The following ZFPM1 variants were observed in gnomAD, a reference collection of about 807,000 sequenced individuals.
ZFPM1 encodes zinc finger protein, FOG family member 1.
A neutral mutation model predicts 46.3 loss-of-function variants in ZFPM1; 28 were observed. The observed-to-expected ratio is 0.60, with a 90% CI of 0.45 to 0.83. The LOEUF is 0.83. Among genes scored for constraint, ZFPM1 ranks in the 40% least tolerant of loss-of-function variants. The pLI is 0.00. For synonymous variants in ZFPM1, 957 were observed against 675.9 expected (o/e 1.42, Z -6.45); for missense variants, 1,878 against 1,432.4 (o/e 1.31, Z -5.02).
At chr16:88,501,009 C>T (rs1267470166) in intron 3 of ZFPM1, among the ~76,000 whole-genome samples, 1 of 151,740 alleles carries the variant, frequency 6.6e-6, no homozygotes, top group Non-Finnish European at 1.5e-5. Context: ...GGCCTGACTT[C>T]TCCACCTCCT....
In ZFPM1 at chr16:88,489,225, G is replaced by A. The variant is rs934212617; in HGVS notation, c.268+72G>A. 6.4e-5 allele frequency: 97 copies of A among 1,509,300 alleles called. No homozygotes were observed. The East Asian group carries it at 1.2e-3, about 18-fold the overall frequency. The allele number at this position is 1,509,300 out of a possible 1,614,324, so 93.5% of individuals were successfully genotyped here. On this transcript the variant is annotated intron_variant, in intron 3 of 9. Coordinates refer to ENST00000319555, the MANE Select transcript of ZFPM1 (RefSeq NM_153813.3). ...CTGGCCCGGCCCCTGGGAGCAGGGCGACGTGGGTGCTGGGGCAGGTGTGCA... is the reference window on the plus strand; with the variant it reads ...CTGGCCCGGCCCCTGGGAGCAGGGCAACGTGGGTGCTGGGGCAGGTGTGCA...
At chr16:88,494,171 C>A (rs148789113) in intron 3 of ZFPM1, among the ~76,000 whole-genome samples, 211 of 152,172 alleles carry the variant, frequency 1.4e-3, no homozygotes, top group African/African-American at 4.9e-3. Flanking sequence ...TGGGTTATCT[C>A]GGATTGGGGG....
At chr16:88,488,027 C>G (rs907014609) in intron 2 of ZFPM1, among the ~76,000 whole-genome samples, 2 of 152,222 alleles carry the variant, frequency 1.3e-5, no homozygotes, top group Non-Finnish European at 2.9e-5. Flanking sequence ...TCTTAACCCT[C>G]GCGGAGCCTC....
At chr16:88,525,856 G>T (rs1020492815) in intron 4 of ZFPM1, among the ~76,000 whole-genome samples, 1 of 152,222 alleles carries the variant, frequency 6.6e-6, no homozygotes, top group Non-Finnish European at 1.5e-5. Flanking sequence ...GGGCCGGGGT[G>T]CAATGGATGC....
At chr16:88,486,110 C>A (rs1271770885) in intron 2 of ZFPM1, 67 bp downstream of exon 2, 1 of 1,473,270 alleles carries the variant, frequency 6.8e-7, no homozygotes, top group Non-Finnish European at 9.3e-7. Context: ...CGTACCATGC[C>A]CTCAGAGCTC....
intron 4 of ZFPM1, among the ~76,000 whole-genome samples, chr16:88,519,047 T>TGGGTGG (rs1352509919): frequency 9.9e-6 from 1 of 101,092 alleles, no homozygotes; most frequent in South Asian, 3.7e-4. Context: ...GGTGGATGGA[T>TGGGTGG]AGATGGATGG....
chr16:88,452,318 G>A (rs979040346), upstream of ZFPM1, among the ~76,000 whole-genome samples: 2 of 152,236 alleles, frequency 1.3e-5, no homozygotes, highest in Non-Finnish European at 2.9e-5. Context: ...TGAGCTGACA[G>A]CACCGCGCCC....
chr16:88,521,689 C>G (rs547658140), intron 4 of ZFPM1, among the ~76,000 whole-genome samples: 69 of 141,606 alleles, frequency 4.9e-4, no homozygotes, highest in African/African-American at 1.8e-3. Context: ...GCTGTTCCCT[C>G]CCTCATGCTG....
rs3751673 is a variant in ZFPM1, at chr16:88,485,962, A to G, written c.64A>G (p.Arg22Gly). Residue 22 changes from arginine (R) to glycine (G), a missense_variant, in exon 2 of 10, where the codon AGA becomes GGA. Transcript: ENST00000319555. ...AGGTTCCCTCGGAGACATGGAGGCC[A>G]GAGAGGAGGTGCAGTTGGTGGGTGC... Reference protein sequence around the residue: ...IKRSLGDMEAREEVQLVGASH... With the variant: ...IKRSLGDMEAGEEVQLVGASH... The G allele has an allele frequency of 0.41, 660,023 of 1,612,020 alleles. 141,489 individuals are homozygous for G. The highest frequency in any genetic ancestry group is 0.7 in the African/African-American group (52,717 of 74,972).
chr16:88,489,163 C>T lies in ZFPM1; in HGVS notation c.268+10C>T, dbSNP rs776874974. 16 of 1,588,996 alleles carry T rather than the reference C, an allele frequency of 1.0e-5. No individual in the cohort carries two copies. Among genetic ancestry groups the T allele is most frequent in the African/African-American group, 2.7e-5 (2 of 74,022 alleles). ...CCCTGGAGCGGGCCAGGTAACCACG[C>T]GGGTGGTGGGGGCAGCAGCATCGCC... On this transcript the variant is annotated intron_variant, in intron 3 of 9. Transcript: ENST00000319555.
At chr16:88,516,482 G>A (rs1911305513) in intron 4 of ZFPM1, 1 of 398,566 alleles carries the variant, frequency 2.5e-6, no homozygotes, top group Non-Finnish European at 4.4e-6. Flanking sequence ...GGGGAGGAAG[G>A]AGCCCCCGCT....
At chr16:88,494,669 G>T (rs140573717) in intron 3 of ZFPM1, among the ~76,000 whole-genome samples, 1 of 152,174 alleles carries the variant, frequency 6.6e-6, no homozygotes, top group South Asian at 2.1e-4. Flanking sequence ...GCAGGAGGCC[G>T]CAGGGCCTGA....
At position 88,535,258 on chromosome 16, in the gene ZFPM1, G is replaced by A. The variant is rs1213705586; in HGVS notation, c.*279G>A. 7.1e-6 allele frequency: 2 copies of A among 283,078 alleles called. No homozygotes were observed. Among genetic ancestry groups the A allele is most frequent in the African/African-American group, 2.2e-5 (1 of 45,416 alleles). The allele number at this position is 283,078 out of a possible 1,614,324, so 17.5% of individuals were successfully genotyped here. On this transcript the variant is annotated 3_prime_UTR_variant, in exon 10 of 10. Coordinates refer to ENST00000319555, the MANE Select transcript of ZFPM1 (RefSeq NM_153813.3). ...CTGTGTACACAGGCCACTGCGGCCC[G>A]GAGTGGCTGGGCCCCTGCCGGAGTT...
chr16:88,533,633 G>A lies in ZFPM1; in HGVS notation c.1675G>A (p.Gly559Ser). The A allele has an allele frequency of 6.8e-7, 1 of 1,464,738 alleles. No individual in the cohort carries two copies. The highest frequency in any genetic ancestry group is 9.0e-7 in the Non-Finnish European group (1 of 1,106,854). 90.7% of individuals were successfully genotyped at this position (1,464,738 alleles called of 1,614,324 possible). ...GCACAGCCGGCTGCAGCAGGGCGCGGGCGCGGGCGCCGGCGGCGCGCAGAC... is the reference window on the plus strand; with the variant it reads ...GCACAGCCGGCTGCAGCAGGGCGCGAGCGCGGGCGCCGGCGGCGCGCAGAC... Reference protein sequence around the residue: ...LVHSRLQQGAGAGAGGAQTGL... With the variant: ...LVHSRLQQGASAGAGGAQTGL... Residue 559 changes from glycine to serine, a missense_variant, in exon 10 of 10, where the codon GGC becomes AGC. Physicochemically the swap from Gly to Ser is moderately conservative, Grantham distance 56. Coordinates refer to ENST00000319555, the MANE Select transcript of ZFPM1 (RefSeq NM_153813.3).
At chr16:88,494,267 G>A (rs922290249) in intron 3 of ZFPM1, among the ~76,000 whole-genome samples, 15 of 152,230 alleles carry the variant, frequency 9.9e-5, no homozygotes, top group African/African-American at 2.4e-4. Flanking sequence ...AGCAGGGGCC[G>A]GGAGCAGCCA....
rs548603062 is a variant in ZFPM1 at position 88,507,740 on chromosome 16, A to G, written c.269-6647A>G. Reference sequence around the variant, plus strand: ...TGGCTGTGGGAAAGGCCCCCTGCAGAGAGCCAGCTGCCCAGTGTACCCTGA... The same window carrying G: ...TGGCTGTGGGAAAGGCCCCCTGCAGGGAGCCAGCTGCCCAGTGTACCCTGA... On this transcript the variant is annotated intron_variant, in intron 3 of 9. Coordinates refer to ENST00000319555, the MANE Select transcript of ZFPM1 (RefSeq NM_153813.3). 5.3e-5 allele frequency among the ~76,000 whole-genome samples: 8 copies of G among 152,282 alleles called. No homozygotes were observed. In the East Asian group the frequency reaches 1.5e-3, roughly 29 times the overall value.
intron 9 of ZFPM1, 68 bp downstream of exon 9, chr16:88,533,003 G>C: frequency 1.9e-6 from 3 of 1,592,224 alleles, no homozygotes; most frequent in Middle Eastern, 1.8e-4. Context: ...GAGTGGGCTT[G>C]TCGCCCAAGA....
In ZFPM1 at chr16:88,497,982, G is replaced by A. The variant is rs1023106344; in HGVS notation, c.268+8829G>A. On this transcript the variant is annotated intron_variant, in intron 3 of 9. Transcript: ENST00000319555. This position sits in a 1 kb window ranked among gnomAD's most constrained non-coding sequence, Gnocchi z 5.4. ...GCGACTGGCTCCCTCCCCACCCGGT[G>A]TGCGTGGGTGGGAAATCATTCCAGC... Among the ~76,000 whole-genome samples, 4 of 152,208 alleles carry A rather than the reference G, an allele frequency of 2.6e-5. No individual in the cohort carries two copies. The highest frequency in any genetic ancestry group is 9.6e-5 in the African/African-American group (4 of 41,456).
chr16:88,490,274 G>C (rs111616898), intron 3 of ZFPM1, among the ~76,000 whole-genome samples: 2 of 152,090 alleles, frequency 1.3e-5, no homozygotes, highest in African/African-American at 2.4e-5. Flanking sequence ...GGATGGTCTC[G>C]ATCTCCTGAC....
Sources: allele counts gnomAD v4.1 joint callset (sites outside exome capture counted in the v4.1 genomes callset), GRCh38; gene constraint gnomAD v4.1.1; non-coding constraint Gnocchi (gnomAD v3.1); transcripts MANE v1.5; gene names NCBI Gene and HGNC (gene_info 2026-07-23, HGNC 2026-07-21).